Variants in LTN1 observed in about 807,000 individuals in gnomAD.
LTN1 encodes listerin E3 ubiquitin protein ligase 1.
A neutral mutation model predicts 201.2 loss-of-function variants in LTN1; 88 were observed. The observed-to-expected ratio is 0.44, with a 90% CI of 0.37 to 0.52. The LOEUF is 0.52. Ranked by LOEUF, LTN1 falls within the 20% of genes least tolerant of loss-of-function variation. The pLI is 0.00. For missense variants in LTN1, 1,752 were observed against 2,038.7 expected (o/e 0.86, Z 2.71); for synonymous variants, 645 against 713.5 (o/e 0.90, Z 1.53).
intron 9 of LTN1, among the ~76,000 whole-genome samples, chr21:28,968,606 A>G (rs2084545523): frequency 6.6e-6 from 1 of 151,642 alleles, no homozygotes; most frequent in Non-Finnish European, 1.5e-5. Context: ...TCTGCTTTGC[A>G]TTACATCTTT....
intron 25 of LTN1, among the ~76,000 whole-genome samples, chr21:28,939,532 G>T (rs138497196): frequency 1.3e-5 from 2 of 152,190 alleles, no homozygotes; most frequent in Non-Finnish European, 2.9e-5. Flanking sequence ...AAAGTTTTCC[G>T]AAGAAAAATT....
intron 12 of LTN1, 40 bp from the exon 13 acceptor site, chr21:28,959,737 A>G: frequency 6.9e-7 from 1 of 1,452,000 alleles, no homozygotes; most frequent in Non-Finnish European, 9.2e-7. Flanking sequence ...AAATAAAAAT[A>G]TTAACGTGTA....
At chr21:28,980,107 A>G (rs1026045469) in intron 6 of LTN1, among the ~76,000 whole-genome samples, 1 of 152,148 alleles carries the variant, frequency 6.6e-6, no homozygotes, top group Non-Finnish European at 1.5e-5. Flanking sequence ...TTCAGCTCTC[A>G]TACTGTAAAC....
chr21:28,957,844 G>A (rs2084439214), intron 14 of LTN1, among the ~76,000 whole-genome samples: 1 of 152,150 alleles, frequency 6.6e-6, no homozygotes, highest in South Asian at 2.1e-4. Context: ...ATTTAGGTAT[G>A]AGAGGTAAAA....
rs540454838 is a variant in LTN1 at position 28,973,936 on chromosome 21, C to G, written c.811-2492G>C. ...GAATAAGGATGGGATAGTCTTTCAG[C>G]AACTGAATACTCCATAACCAAAAAA... On this transcript the variant is annotated intron_variant, in intron 6 of 29. Coordinates refer to ENST00000361371, the MANE Select transcript of LTN1 (RefSeq NM_015565.3). 2.0e-5 allele frequency among the ~76,000 whole-genome samples: 3 copies of G among 152,184 alleles called. No homozygotes were observed. The South Asian group carries it at 6.2e-4, about 32-fold the overall frequency.
chr21:28,966,346 T>G (rs535461776), intron 10 of LTN1, 24 bp downstream of exon 10: 1 of 1,544,984 alleles, frequency 6.5e-7, no homozygotes, highest in African/African-American at 1.4e-5. Flanking sequence ...TCAAATAGTT[T>G]GAAAAGATAT....
At position 28,952,261 on chromosome 21, in the gene LTN1, G is replaced by A. The variant is rs377533315; in HGVS notation, c.3243C>T (p.Ser1081=). The A allele has an allele frequency of 1.0e-5, 16 of 1,573,876 alleles. No individual in the cohort carries two copies. The East Asian group carries it at 1.8e-4, about 18-fold the overall frequency. The change falls in exon 18 of 30, where the codon TCC becomes TCT. Residue 1081 remains serine, a synonymous_variant. Coordinates refer to ENST00000361371, the MANE Select transcript of LTN1 (RefSeq NM_015565.3). The stretch of plus-strand genomic sequence containing the variant: ...GAGACCACAGTGTGCCATGTTCTCT[G>A]GACCTGAAAAAGGAAAGAAAAAAAT... ...SGLLQLLFNR[S]REHGTLWSLI...
Position 28,941,393 on chromosome 21 carries a change from C to CTGCT in LTN1, c.4305_4308dup (p.Ala1437SerfsTer8). ...TGAATGCTAAGAAGAGACATCAGTG[C>CTGCT]TGCTGGTGGTGACCTAAGAATCAAT... On this transcript the variant is annotated frameshift_variant, in exon 25 of 30. Transcript: ENST00000361371. LOFTEE classifies it high-confidence loss of function. The CTGCT allele has an allele frequency of 6.2e-7, 1 of 1,608,274 alleles. No homozygotes were observed. The highest frequency in any genetic ancestry group is 1.7e-5 in the Admixed American group (1 of 58,002).
At chr21:28,968,295 G>C (rs2084543368) in intron 9 of LTN1, among the ~76,000 whole-genome samples, 1 of 151,940 alleles carries the variant, frequency 6.6e-6, no homozygotes, top group Non-Finnish European at 1.5e-5. Context: ...CTTAACTATA[G>C]GCAAATCTAA....
chr21:28,942,299 T>C (rs1359025561), intron 24 of LTN1, among the ~76,000 whole-genome samples: 2 of 152,208 alleles, frequency 1.3e-5, no homozygotes, highest in Non-Finnish European at 2.9e-5. Flanking sequence ...CCTCCATGCA[T>C]TGTTATTTAA....
At position 28,944,497 on chromosome 21, in the gene LTN1, A is replaced by G; in HGVS notation, c.3868T>C (p.Ser1290Pro). The change falls in exon 22 of 30, where the codon TCC (serine) becomes CCC (proline). Residue 1290 changes from serine to proline, a missense_variant. By Grantham distance (74) the Ser-to-Pro change is moderately conservative (BLOSUM62 -1). Around this residue, in one of 3 missense-constraint regions of LTN1, gnomAD observed 1,211 missense variants for 1,312.8 expected, o/e 0.92. Transcript: ENST00000361371. ...TTGCCAATGGTATCCAGAGTTGTGG[A>G]ATCAAAGAAAGCACTGAGGTCACAG... ...LACDLSAFFD[S>P]TTLDTIGNLP... The G allele has an allele frequency of 6.2e-7, 1 of 1,614,056 alleles. No homozygotes were observed. Among genetic ancestry groups the G allele is most frequent in the Non-Finnish European group, 8.5e-7 (1 of 1,179,946 alleles).
rs771805208 is a variant in LTN1, at chr21:28,953,303, A to G, written c.3153T>C (p.Cys1051=). The G allele has an allele frequency of 6.2e-7, 1 of 1,609,342 alleles. No homozygotes were observed. Among genetic ancestry groups the G allele is most frequent in the South Asian group, 1.1e-5 (1 of 90,136 alleles). Reference sequence around the variant, plus strand: ...TAATATTCATTTTTTGAAGTATTTCACAAAATCCAATTAGAAAAATAGGTG... The same window carrying G: ...TAATATTCATTTTTTGAAGTATTTCGCAAAATCCAATTAGAAAAATAGGTG... ...DNPPIFLIGF[C]EILQKMNITY... is the part of the protein sequence containing the mutation. The change falls in exon 17 of 30, where the codon TGT becomes TGC. Residue 1051 remains cysteine, a synonymous_variant. Coordinates refer to ENST00000361371, the MANE Select transcript of LTN1 (RefSeq NM_015565.3).
Position 28,992,842 on chromosome 21 carries a change from C to A in LTN1, c.-37G>T. ...CAGCTGTACTCTGAGCACTCAGACC[C>A]CGGTTGACACGTCCGGGACACAACT... is the stretch of plus-strand genomic sequence containing the variant. On this transcript the variant is annotated 5_prime_UTR_variant, in exon 1 of 30. Transcript: ENST00000361371. 1 of 1,614,166 alleles carries A rather than the reference C, an allele frequency of 6.2e-7. No homozygotes were observed. Among genetic ancestry groups the A allele is most frequent in the East Asian group, 2.2e-5 (1 of 44,882 alleles).
chr21:28,952,433 G>A (rs2832146), intron 17 of LTN1, among the ~76,000 whole-genome samples, 169 bp from the exon 18 acceptor site: 131,802 of 152,228 alleles, frequency 0.87, 57,407 homozygotes, highest in Non-Finnish European at 0.91. Flanking sequence ...TATCCAAAGA[G>A]CTGAGAGTTT....
At chr21:28,961,418 GA>G (rs111328706) in intron 11 of LTN1, 128 of 158,146 alleles carry the variant, frequency 8.1e-4, no homozygotes, top group East Asian at 6.0e-4. Context: ...GGGGAAGCAA[GA>G]AAAAAAAAAG....
chr21:28,966,411 T>C lies in LTN1; in HGVS notation c.2080A>G (p.Asn694Asp). ...ILYSALRCCD[N>D]DMERKKVLDD... is the part of the protein sequence containing the mutation. ...AAGACTTTTTTTCTTTCCATATCAT[T>C]GTCACAGCACCGGAGAGCACTGTAC... Residue 694 changes from asparagine to aspartate, a missense_variant, in exon 10 of 30, where the codon AAT becomes GAT. Transcript: ENST00000361371. The C allele has an allele frequency of 5.0e-6, 8 of 1,611,972 alleles. No individual in the cohort carries two copies. The highest frequency in any genetic ancestry group is 6.8e-6 in the Non-Finnish European group (8 of 1,179,514).
chr21:28,961,941 G>A (rs1169056249), intron 11 of LTN1, among the ~76,000 whole-genome samples: 6 of 152,064 alleles, frequency 3.9e-5, no homozygotes, highest in Non-Finnish European at 7.3e-5. Context: ...AACCCGGGAG[G>A]CAGAAGTTGC....
intron 11 of LTN1, 165 bp from the exon 12 acceptor site, chr21:28,960,871 C>T (rs546798990): frequency 4.8e-4 from 257 of 540,286 alleles, no homozygotes; most frequent in African/African-American, 4.6e-3. Context: ...CTCCCTGTTC[C>T]CCATTAAGCC....
rs1276075955 is a variant in LTN1, at chr21:28,946,143, A to G, written c.3623+9T>C. The G allele has an allele frequency of 1.3e-6, 2 of 1,570,130 alleles. No homozygotes were observed. Among genetic ancestry groups the G allele is most frequent in the East Asian group, 2.3e-5 (1 of 44,440 alleles). On this transcript the variant is annotated intron_variant, in intron 20 of 29. Transcript: ENST00000361371. ...CTGAAGGAAAAACATAGTATAAAGT[A>G]TCACCTACCAACTGAAAAGAAAAAT...
Sources: allele counts gnomAD v4.1 joint callset (sites outside exome capture counted in the v4.1 genomes callset), GRCh38; gene constraint gnomAD v4.1.1; regional missense constraint gnomAD v4.1.1; transcripts MANE v1.5; gene names NCBI Gene and HGNC (gene_info 2026-07-23, HGNC 2026-07-21).